SNTG2: variants seen among roughly 807,000 people sequenced by gnomAD.
SNTG2 encodes syntrophin gamma 2.
SNTG2 carries 74 observed loss-of-function variants against 70.9 expected under a neutral mutation model. The observed-to-expected ratio is 1.04, with a 90% confidence interval of 0.86 to 1.27. SNTG2 has a LOEUF of 1.27. SNTG2 is among the 50% of genes most tolerant of loss of function. The probability of loss-of-function intolerance (pLI) is 0.00; values close to 1 mark genes in which losing one functional copy is unlikely to be tolerated. For synonymous variants in SNTG2, 278 were observed against 273.8 expected (o/e 1.02, Z -0.15); for missense variants, 717 against 690.7 (o/e 1.04, Z -0.43).
chr2:1,194,592 T>C (rs1274617914), intron 8 of SNTG2, among the ~76,000 whole-genome samples: 2 of 152,176 alleles, frequency 1.3e-5, no homozygotes, highest in Admixed American at 1.3e-4. Flanking sequence ...CCGCCTGCAA[T>C]AGTTAAATTC....
intron 1 of SNTG2, among the ~76,000 whole-genome samples, chr2:960,057 G>C (rs1240532342): frequency 2.0e-5 from 3 of 152,092 alleles, no homozygotes; most frequent in African/African-American, 7.2e-5. Context: ...AGTTTGCTAA[G>C]AAATATCCAT....
At position 1,234,054 on chromosome 2, in the gene SNTG2, C is replaced by T. The variant is rs192573757; in HGVS notation, c.720-3834C>T. Reference sequence around the variant, plus strand: ...TTAGCTCCGATAATGACCTTGGCCACGTGAACACCATCCTAAAAGGCCTGA... The same window carrying T: ...TTAGCTCCGATAATGACCTTGGCCATGTGAACACCATCCTAAAAGGCCTGA... On this transcript the variant is annotated intron_variant, in intron 9 of 16. Coordinates refer to ENST00000308624, the MANE Select transcript of SNTG2 (RefSeq NM_018968.4). Among the ~76,000 whole-genome samples, 81 of 152,200 alleles carry T rather than the reference C, an allele frequency of 5.3e-4. No individual in the cohort carries two copies. The East Asian group carries it at 0.013, about 24-fold the overall frequency.
In SNTG2 at chr2:1,155,320, C is replaced by T. The variant is rs564779942; in HGVS notation, c.412-10228C>T. On this transcript the variant is annotated intron_variant, in intron 6 of 16. Transcript: ENST00000308624. ...CACATGTACACACACATTCACACCA[C>T]ATGCATATACACATATGCACACCAC... 1.1e-4 allele frequency among the ~76,000 whole-genome samples: 17 copies of T among 151,668 alleles called. 1 individual carries two copies. The highest frequency in any genetic ancestry group is 4.1e-4 in the African/African-American group (17 of 41,328).
chr2:1,114,192 T>G (rs1335932194), intron 4 of SNTG2, among the ~76,000 whole-genome samples: 2 of 151,710 alleles, frequency 1.3e-5, no homozygotes. Context: ...TAAGTGAGGT[T>G]TAACCCTTAC....
At chr2:1,003,217 G>T (rs1256406494) in intron 1 of SNTG2, among the ~76,000 whole-genome samples, 1 of 151,964 alleles carries the variant, frequency 6.6e-6, no homozygotes, top group African/African-American at 2.4e-5. Context: ...TAACAAAACT[G>T]CACACGTACC....
chr2:1,184,999 A>G lies in SNTG2; in HGVS notation c.591+11816A>G, dbSNP rs1000209741. ...GCCTGTAAAATAATTTTAAAAAGTTAGTTACTTCCAAGATACAATGGGTAT... is the reference window on the plus strand; with the variant it reads ...GCCTGTAAAATAATTTTAAAAAGTTGGTTACTTCCAAGATACAATGGGTAT... On this transcript the variant is annotated intron_variant, in intron 8 of 16. Coordinates refer to ENST00000308624, the MANE Select transcript of SNTG2 (RefSeq NM_018968.4). Among the ~76,000 whole-genome samples the G allele has an allele frequency of 5.3e-4, 81 of 152,024 alleles. 1 individual carries two copies. The highest frequency in any genetic ancestry group is 6.0e-4 in the Non-Finnish European group (41 of 68,048).
At chr2:1,004,379 A>C (rs1379755594) in intron 1 of SNTG2, among the ~76,000 whole-genome samples, 3 of 152,244 alleles carry the variant, frequency 2.0e-5, no homozygotes, top group African/African-American at 7.2e-5. Flanking sequence ...TAAGATAATG[A>C]AAAGACAAGC....
At chr2:1,241,719 C>T (rs1018232857) in intron 11 of SNTG2, among the ~76,000 whole-genome samples, 6 of 152,144 alleles carry the variant, frequency 3.9e-5, no homozygotes, top group African/African-American at 9.7e-5. Context: ...GCACAGTTTC[C>T]GCTATGGAGC....
At chr2:1,179,876 T>A (rs1438245991) in intron 8 of SNTG2, among the ~76,000 whole-genome samples, 1 of 137,590 alleles carries the variant, frequency 7.3e-6, no homozygotes, top group Non-Finnish European at 1.6e-5. Flanking sequence ...GAGATATAGA[T>A]CAATGGAACA....
intron 12 of SNTG2, among the ~76,000 whole-genome samples, chr2:1,256,768 A>T (rs919388096): frequency 2.6e-5 from 4 of 152,062 alleles, no homozygotes; most frequent in Non-Finnish European, 5.9e-5. Flanking sequence ...TGCAGAAAGG[A>T]TCACTCACAT....
intron 8 of SNTG2, among the ~76,000 whole-genome samples, chr2:1,187,230 A>G (rs1672304363): frequency 6.6e-6 from 1 of 152,250 alleles, no homozygotes; most frequent in South Asian, 2.1e-4. Flanking sequence ...GGTTAATTTT[A>G]TGTGTCCACT....
rs774566304 is a variant in SNTG2 at position 1,243,906 on chromosome 2, A to G, written c.889-3421A>G. 1.7e-3 allele frequency among the ~76,000 whole-genome samples: 253 copies of G among 152,252 alleles called. 2 individuals carry two copies. The highest frequency in any genetic ancestry group is 3.1e-4 in the Non-Finnish European group (21 of 68,010). ...CCGGGCGTGGTGGCACGCGCCTGTA[A>G]TCCCAGCTACCTGGGAGGCTGAGGC... On this transcript the variant is annotated intron_variant, in intron 11 of 16. Coordinates refer to ENST00000308624, the MANE Select transcript of SNTG2 (RefSeq NM_018968.4).
At chr2:1,048,199 T>C (rs1050350288) in intron 1 of SNTG2, among the ~76,000 whole-genome samples, 6 of 152,194 alleles carry the variant, frequency 3.9e-5, no homozygotes, top group African/African-American at 1.4e-4. Context: ...TGTGTACACA[T>C]GCATTATTTT....
chr2:1,328,031 G>C (rs891146929), intron 16 of SNTG2, among the ~76,000 whole-genome samples: 6 of 152,136 alleles, frequency 3.9e-5, no homozygotes, highest in African/African-American at 9.7e-5. Flanking sequence ...GGAAGGTGAA[G>C]GGGGAGCCAG....
intron 14 of SNTG2, among the ~76,000 whole-genome samples, chr2:1,299,663 C>T (rs1680365669): frequency 6.6e-6 from 1 of 152,208 alleles, no homozygotes; most frequent in East Asian, 1.9e-4. Flanking sequence ...CAAGTCATCC[C>T]TGTGAAGCAA....
chr2:1,016,368 G>C (rs1659891560), intron 1 of SNTG2, among the ~76,000 whole-genome samples: 1 of 152,082 alleles, frequency 6.6e-6, no homozygotes. Context: ...CAGCCTCCTG[G>C]GTAGCTGAGA....
At chr2:1,012,589 G>C (rs61477844) in intron 1 of SNTG2, among the ~76,000 whole-genome samples, 2 of 145,828 alleles carry the variant, frequency 1.4e-5, no homozygotes, top group African/African-American at 4.9e-5. Flanking sequence ...GGATTTATAA[G>C]GGCAGAGAGA....
At chr2:1,154,824 A>C (rs1177769414) in intron 6 of SNTG2, among the ~76,000 whole-genome samples, 1 of 151,816 alleles carries the variant, frequency 6.6e-6, no homozygotes, top group Admixed American at 6.6e-5. Flanking sequence ...TATCACATAC[A>C]CCACACATAT....
chr2:1,313,656 C>T (rs1156468751), intron 15 of SNTG2, among the ~76,000 whole-genome samples: 2 of 152,078 alleles, frequency 1.3e-5, no homozygotes, highest in Admixed American at 1.3e-4. Context: ...TAAAAGAGGC[C>T]ACCACAGGCG....
Sources: allele counts gnomAD v4.1 joint callset (sites outside exome capture counted in the v4.1 genomes callset), GRCh38; gene constraint gnomAD v4.1.1; transcripts MANE v1.5; gene names NCBI Gene and HGNC (gene_info 2026-07-23, HGNC 2026-07-21).